The following KIF4A variants were observed in gnomAD, a reference collection of about 807,000 sequenced individuals.
KIF4A encodes the protein kinesin family member 4A, also known as chromosome-associated kinesin KIF4A.
In KIF4A, 7 loss-of-function variants were observed where a neutral mutation model predicts 105.9. That is an observed-to-expected ratio of 0.07 (90% confidence interval 0.04 to 0.12). KIF4A has a LOEUF of 0.12. Among genes scored for constraint, KIF4A ranks in the 10% least tolerant of loss-of-function variants. The pLI, the probability that KIF4A is intolerant of heterozygous loss-of-function variation, is 1.00. For missense variants in KIF4A, 558 were observed against 929.2 expected (o/e 0.60, Z 5.19); for synonymous variants, 281 against 331.3 (o/e 0.85, Z 1.65).
At chrX:70,306,232 C>T (rs1471149396) in intron 7 of KIF4A, among the ~76,000 whole-genome samples, 2 of 112,120 alleles carry the variant, frequency 1.8e-5, no homozygotes, top group Non-Finnish European at 1.9e-5. Flanking sequence ...ATATGCCTTA[C>T]GCCTTATGTC....
Position 70,395,785 on chromosome X carries a change from G to A in KIF4A, c.2347G>A (p.Glu783Lys), listed in dbSNP as rs1375842784. 8.3e-7 allele frequency: 1 copy of A among 1,210,575 alleles called. No individual in the cohort carries two copies. The highest frequency in any genetic ancestry group is 1.8e-5 in the South Asian group (1 of 56,801). ...ILAQDVAQLK[E>K]KKESGENPPP... is the part of the protein sequence containing the mutation. ...GGCTCAAGATGTGGCTCAACTCAAA[G>A]AAAAAAAGGAATCTGGGGAGAATCC... is the stretch of plus-strand genomic sequence containing the variant. Residue 783 changes from glutamate (E) to lysine (K), a missense_variant, in exon 21 of 31, where the codon GAA becomes AAA. Physicochemically the swap from Glu to Lys is moderately conservative, Grantham distance 56. Transcript: ENST00000374403.
Position 70,323,926 on chromosome X carries a change from C to T in KIF4A, c.779-5479C>T, listed in dbSNP as rs1430105719. 5.5e-5 allele frequency among the ~76,000 whole-genome samples: 6 copies of T among 109,406 alleles called. No homozygotes were observed. The East Asian group carries it at 1.4e-3, about 26-fold the overall frequency. Reference sequence around the variant, plus strand: ...TTGACTCACTGCAACCTCCACCTACCGGGTTCAGGCGATTCTCCTGCCTCC... The same window carrying T: ...TTGACTCACTGCAACCTCCACCTACTGGGTTCAGGCGATTCTCCTGCCTCC... On this transcript the variant is annotated intron_variant, in intron 7 of 30. Coordinates refer to ENST00000374403, the MANE Select transcript of KIF4A (RefSeq NM_012310.5).
At chrX:70,333,048 G>C (rs1393933738) in intron 9 of KIF4A, among the ~76,000 whole-genome samples, 2 of 110,878 alleles carry the variant, frequency 1.8e-5, no homozygotes, top group African/African-American at 6.6e-5. Flanking sequence ...TTCAAAAATA[G>C]GTACTCAAGG....
At position 70,353,497 on chromosome X, in the gene KIF4A, G is replaced by A. The variant is rs2086039303; in HGVS notation, c.1489-125G>A. On this transcript the variant is annotated intron_variant, in intron 14 of 30. Coordinates refer to ENST00000374403, the MANE Select transcript of KIF4A (RefSeq NM_012310.5). Reference sequence around the variant, plus strand: ...GATACTTAAAACAAATGTATGCAGAGCCACTGTTGTAAAGGAACAGAGATA... The same window carrying A: ...GATACTTAAAACAAATGTATGCAGAACCACTGTTGTAAAGGAACAGAGATA... 3 of 555,718 alleles carry A rather than the reference G, an allele frequency of 5.4e-6. No individual in the cohort carries two copies. In the South Asian group the frequency reaches 1.1e-4, roughly 20 times the overall value. The allele number at this position is 555,718 out of a possible 1,213,427, so 45.8% of individuals were successfully genotyped here. A position where few individuals can be genotyped will look rare whatever the true frequency, so the allele number is the denominator to read the frequency against.
chrX:70,387,031 A>C (rs943709657), intron 19 of KIF4A, among the ~76,000 whole-genome samples, 153 bp from the exon 20 acceptor site: 1 of 112,276 alleles, frequency 8.9e-6, no homozygotes, highest in African/African-American at 3.2e-5. Context: ...CCAAAGCAGT[A>C]GCTGTTCACC....
chrX:70,367,349 T>A (rs1383297202), intron 15 of KIF4A, among the ~76,000 whole-genome samples: 2 of 111,832 alleles, frequency 1.8e-5, no homozygotes, highest in Non-Finnish European at 3.8e-5. Context: ...CTAGCCTCGA[T>A]GGTCTTTACA....
At chrX:70,344,045 C>G in intron 13 of KIF4A, 63 bp downstream of exon 13, 2 of 840,997 alleles carry the variant, frequency 2.4e-6, no homozygotes, top group South Asian at 4.5e-5. Flanking sequence ...TTGACACATA[C>G]AAGCCTTTCT....
chrX:70,405,526 T>C (rs1178585506), intron 25 of KIF4A, among the ~76,000 whole-genome samples: 1 of 111,341 alleles, frequency 9.0e-6, no homozygotes, highest in African/African-American at 3.3e-5. Context: ...TTAATCAGCA[T>C]CCGAATGTGA....
At chrX:70,382,211 C>T (rs1170484144) in intron 18 of KIF4A, among the ~76,000 whole-genome samples, 1 of 112,290 alleles carries the variant, frequency 8.9e-6, no homozygotes, top group Non-Finnish European at 1.9e-5. Context: ...GGGTGGATCA[C>T]TTGAGGTCAG....
At chrX:70,294,770 C>A (rs187241126) in intron 3 of KIF4A, among the ~76,000 whole-genome samples, 2 of 112,496 alleles carry the variant, frequency 1.8e-5, no homozygotes, top group Non-Finnish European at 3.8e-5. Context: ...TTTGAATTTA[C>A]GGGATAAAAC....
intron 20 of KIF4A, among the ~76,000 whole-genome samples, chrX:70,388,775 T>G (rs994100099): frequency 5.8e-4 from 65 of 112,578 alleles, no homozygotes; most frequent in African/African-American, 2.1e-3. Context: ...TTAAAATTCT[T>G]TATATATTCT....
At chrX:70,321,969 G>A (rs2085892075) in intron 7 of KIF4A, among the ~76,000 whole-genome samples, 1 of 110,121 alleles carries the variant, frequency 9.1e-6, no homozygotes. Flanking sequence ...TCACTTTTCT[G>A]AAGACTCTTT....
chrX:70,308,305 A>G (rs2085835346), intron 7 of KIF4A, among the ~76,000 whole-genome samples: 1 of 112,358 alleles, frequency 8.9e-6, no homozygotes, highest in African/African-American at 3.2e-5. Flanking sequence ...GTTTTTATAT[A>G]CCTTTAAATA....
chrX:70,382,292 A>G (rs1277357279), intron 18 of KIF4A, among the ~76,000 whole-genome samples: 1 of 111,529 alleles, frequency 9.0e-6, no homozygotes, highest in Non-Finnish European at 1.9e-5. Flanking sequence ...TTAGCTGGGC[A>G]TGGTCGTACA....
chrX:70,416,345 CTTTTTTTTT>C lies in KIF4A; in HGVS notation c.3256-1526_3256-1518del, dbSNP rs376059238. ...ATCCCTAGGCCCTTTTCTGCACAGTCTTTTTTTTTTTTTTTTTTTTTTTTTGAGACGAGG... is the reference window on the plus strand; with the variant it reads ...ATCCCTAGGCCCTTTTCTGCACAGTCTTTTTTTTTTTTTTTTGAGACGAGG... On this transcript the variant is annotated intron_variant, in intron 28 of 30. Coordinates refer to ENST00000374403, the MANE Select transcript of KIF4A (RefSeq NM_012310.5). 6.0e-3 allele frequency among the ~76,000 whole-genome samples: 376 copies of C among 62,780 alleles called. 2 individuals carry two copies. The highest frequency in any genetic ancestry group is 0.024 in the African/African-American group (360 of 14,967). The allele number at this position is 62,780 out of a possible 115,157, so 54.5% of individuals were successfully genotyped here. A position where few individuals can be genotyped will look rare whatever the true frequency, so the allele number is the denominator to read the frequency against.
chrX:70,418,215 G>C (rs765737840), intron 29 of KIF4A, among the ~76,000 whole-genome samples: 11 of 111,582 alleles, frequency 9.9e-5, no homozygotes, highest in African/African-American at 3.6e-4. Flanking sequence ...AGAAACCACA[G>C]CACTTCCCAG....
intron 7 of KIF4A, among the ~76,000 whole-genome samples, chrX:70,304,649 CTTTTTTTT>C (rs138222376): frequency 1.9e-5 from 1 of 51,525 alleles, no homozygotes; most frequent in Non-Finnish European, 3.2e-5. Context: ...TACTTCATTC[CTTTTTTTT>C]TTTTTTTTTT....
At chrX:70,371,323 A>G (rs1275233662) in intron 15 of KIF4A, among the ~76,000 whole-genome samples, 1 of 109,397 alleles carries the variant, frequency 9.1e-6, no homozygotes, top group Admixed American at 9.8e-5. Context: ...GATCAACAGG[A>G]TAAGAATTTT....
chrX:70,317,122 G>A (rs1020545508), intron 7 of KIF4A, among the ~76,000 whole-genome samples: 18 of 111,686 alleles, frequency 1.6e-4, no homozygotes, highest in African/African-American at 5.9e-4. Context: ...CTGTTGGATG[G>A]GCATTTGGGT....
Sources: gnomAD v4.1 joint callset for allele counts (sites outside exome capture counted in the v4.1 genomes callset) on GRCh38, gnomAD v4.1.1 for gene constraint, MANE v1.5 for transcripts, NCBI Gene and HGNC (gene_info 2026-07-23, HGNC 2026-07-21) for gene names.